The following EIF4G3 variants were observed in gnomAD, a reference collection of about 807,000 sequenced individuals.
EIF4G3 encodes the protein eukaryotic translation initiation factor 4 gamma 3, also known as eIF-4-gamma 3.
EIF4G3 carries 34 observed loss-of-function variants against 186.4 expected under a neutral mutation model. The ratio of observed to expected loss-of-function variants is 0.18; its 90% CI spans 0.14 to 0.24. The LOEUF is 0.24. EIF4G3 is among the 10% of genes least tolerant of loss of function. The pLI, the probability that EIF4G3 is intolerant of heterozygous loss-of-function variation, is 1.00. For synonymous variants in EIF4G3, 673 were observed against 679.5 expected, an observed-to-expected ratio of 0.99 and a Z score of 0.15; for missense variants, 1,536 against 1,948.5, an observed-to-expected ratio of 0.79 and a Z score of 3.99.
intron 27 of EIF4G3, among the ~76,000 whole-genome samples, chr1:20,851,750 G>A (rs550250982): frequency 6.6e-6 from 1 of 152,242 alleles, no homozygotes; most frequent in Admixed American, 6.5e-5. Flanking sequence ...AGGCATGGTG[G>A]CTCACACCTG....
rs562431784 is a variant in EIF4G3 at position 20,981,689 on chromosome 1, T to C, written c.199-462A>G. 7.0e-4 allele frequency among the ~76,000 whole-genome samples: 95 copies of C among 136,012 alleles called. 3 individuals are homozygous for C. Among genetic ancestry groups the C allele is most frequent in the African/African-American group, 2.4e-3 (88 of 37,132 alleles). 89.2% of individuals were successfully genotyped at this position (136,012 alleles called of 152,430 possible). ...CGCACATACTGTATGTATACATACA[T>C]GTATACGCACATACTGTATGTATAC... On this transcript the variant is annotated intron_variant, in intron 8 of 36. Transcript: ENST00000602326.
At chr1:21,070,013 C>G (rs1258784226) in intron 3 of EIF4G3, among the ~76,000 whole-genome samples, 2 of 152,110 alleles carry the variant, frequency 1.3e-5, no homozygotes. Flanking sequence ...TAATGCAAGA[C>G]TTGAACTCAG....
intron 30 of EIF4G3, among the ~76,000 whole-genome samples, chr1:20,839,873 C>T (rs917733992): frequency 8.7e-5 from 10 of 115,084 alleles, no homozygotes; most frequent in African/African-American, 3.4e-4. Context: ...GGCATTTAAT[C>T]ATATGTGCAT....
intron 2 of EIF4G3, among the ~76,000 whole-genome samples, chr1:21,138,561 A>C (rs538218322): frequency 6.6e-6 from 1 of 152,282 alleles, no homozygotes; most frequent in East Asian, 1.9e-4. Flanking sequence ...GCTCACACCC[A>C]TAATCCCACA....
intron 18 of EIF4G3, among the ~76,000 whole-genome samples, chr1:20,887,048 G>C (rs1480685807): frequency 6.6e-6 from 1 of 152,094 alleles, no homozygotes; most frequent in African/African-American, 2.4e-5. Flanking sequence ...TGCATTTTGT[G>C]TATCAAAATA....
intron 3 of EIF4G3, among the ~76,000 whole-genome samples, chr1:21,066,523 T>C (rs1157044587): frequency 2.6e-5 from 4 of 152,140 alleles, no homozygotes; most frequent in Non-Finnish European, 5.9e-5. Flanking sequence ...GCATTCTATA[T>C]GGCAATTAAG....
chr1:20,874,703 G>A (rs1056646278), intron 20 of EIF4G3, among the ~76,000 whole-genome samples: 2 of 152,056 alleles, frequency 1.3e-5, no homozygotes, highest in African/African-American at 2.4e-5. Context: ...CTGCATCAAA[G>A]ATTATAAATT....
intron 20 of EIF4G3, among the ~76,000 whole-genome samples, chr1:20,868,332 G>A (rs1166527285): frequency 6.6e-6 from 1 of 152,008 alleles, no homozygotes; most frequent in East Asian, 1.9e-4. Flanking sequence ...CAAAATCAAT[G>A]TACTGGCAGA....
intron 29 of EIF4G3, 22 bp downstream of exon 29, chr1:20,849,393 T>G (rs751811402): frequency 7.6e-5 from 81 of 1,063,584 alleles, no homozygotes; most frequent in Non-Finnish European, 9.4e-5. Flanking sequence ...TGTGTGTGTG[T>G]TTTTTTTTTA....
chr1:21,171,915 T>C (rs1448949735), intron 2 of EIF4G3, among the ~76,000 whole-genome samples: 1 of 152,094 alleles, frequency 6.6e-6, no homozygotes, highest in African/African-American at 2.4e-5. Context: ...GACTAGCAAG[T>C]ACTGTTTCTA....
In EIF4G3 at chr1:21,099,126, T is replaced by A. The variant is rs144747187; in HGVS notation, c.-271-9913A>T. On this transcript the variant is annotated intron_variant, in intron 2 of 36. Transcript: ENST00000602326. ...ATAAAAAAATGACAATAATGAGTGC[T>A]GATAAGGATGAGGAGCAACTGGAAA... 6.3e-4 allele frequency among the ~76,000 whole-genome samples: 96 copies of A among 152,336 alleles called. 1 individual carries two copies. The highest frequency in any genetic ancestry group is 2.0e-3 in the African/African-American group (83 of 41,574).
chr1:21,018,628 T>C (rs1471048383), intron 4 of EIF4G3, among the ~76,000 whole-genome samples: 1 of 152,006 alleles, frequency 6.6e-6, no homozygotes, highest in Non-Finnish European at 1.5e-5. Context: ...CATATTGAAA[T>C]GTGACCCCCA....
At chr1:21,003,792 T>G in intron 4 of EIF4G3, 1 of 435,474 alleles carries the variant, frequency 2.3e-6, no homozygotes, top group South Asian at 1.8e-5. Flanking sequence ...GATTTCAAAT[T>G]TGCCAATGTA....
intron 7 of EIF4G3, among the ~76,000 whole-genome samples, chr1:20,987,179 G>A (rs771066343): frequency 2.6e-5 from 4 of 152,166 alleles, no homozygotes; most frequent in Non-Finnish European, 5.9e-5. Flanking sequence ...GTGTTTGAAC[G>A]TGCTGGCAAT....
intron 25 of EIF4G3, among the ~76,000 whole-genome samples, chr1:20,857,173 A>AAAAAAG (rs1361284356): frequency 6.6e-6 from 1 of 150,472 alleles, no homozygotes; most frequent in Non-Finnish European, 1.5e-5. Flanking sequence ...AAAAAAAAAA[A>AAAAAAG]AAAAAAGAAA....
rs79526564 is a variant in EIF4G3, at chr1:20,984,158, A to T, written c.178-1750T>A. ...ACTAAATATGTAGTTATATTGATAT[A>T]CTAATTTTTTTTTCTTTTGTCGGGG... is the stretch of plus-strand genomic sequence containing the variant. On this transcript the variant is annotated intron_variant, in intron 7 of 36. Transcript: ENST00000602326. Among the ~76,000 whole-genome samples the T allele has an allele frequency of 9.1e-3, 1,388 of 152,178 alleles. 39 individuals are homozygous for T. The highest frequency in any genetic ancestry group is 0.083 in the East Asian group (428 of 5,184).
chr1:20,828,061 T>TA (rs2064109755), intron 31 of EIF4G3, among the ~76,000 whole-genome samples: 1 of 135,902 alleles, frequency 7.4e-6, no homozygotes, highest in African/African-American at 2.9e-5. Flanking sequence ...TGAGACAGAG[T>TA]CTCACTCTGT....
At chr1:21,171,867 C>A (rs2097981112) in intron 2 of EIF4G3, among the ~76,000 whole-genome samples, 1 of 152,116 alleles carries the variant, frequency 6.6e-6, no homozygotes, top group Non-Finnish European at 1.5e-5. Flanking sequence ...ATCAGGTACA[C>A]TTCTCAATAC....
intron 6 of EIF4G3, 129 bp from the exon 7 acceptor site, chr1:20,997,762 A>G (rs1436695329): frequency 2.9e-6 from 2 of 681,858 alleles, no homozygotes; most frequent in Non-Finnish European, 4.9e-6. Context: ...AAAAAACAAC[A>G]CACAAAACAG....
Sources: gnomAD v4.1 joint callset for allele counts (sites outside exome capture counted in the v4.1 genomes callset) on GRCh38, gnomAD v4.1.1 for gene constraint, MANE v1.5 for transcripts, NCBI Gene and HGNC (gene_info 2026-07-23, HGNC 2026-07-21) for gene names.